The following PLXNB3 variants were observed in gnomAD, a reference collection of about 807,000 sequenced individuals.
PLXNB3 encodes plexin-B3.
Under a neutral mutation model 125.7 loss-of-function variants are expected in PLXNB3, and 80 were observed. That is an observed-to-expected ratio of 0.64 (90% CI 0.53 to 0.77). PLXNB3 has a LOEUF of 0.77. PLXNB3 is among the 30% of genes least tolerant of loss of function. The pLI, the probability that PLXNB3 is intolerant of heterozygous loss-of-function variation, is 0.00. For missense variants in PLXNB3, 1,836 were observed against 1,729.3 expected (o/e 1.06, Z -1.09); for synonymous variants, 954 against 783.3 (o/e 1.22, Z -3.64).
Position 153,770,569 on chromosome X carries a change from G to T in PLXNB3, c.1937G>T (p.Cys646Phe). 8.3e-7 allele frequency: 1 copy of T among 1,211,255 alleles called. No individual in the cohort carries two copies. Among genetic ancestry groups the T allele is most frequent in the Non-Finnish European group, 1.1e-6 (1 of 895,489 alleles). The change falls in exon 10 of 36, where the codon TGC becomes TTC. Residue 646 changes from cysteine (C) to phenylalanine (F), a missense_variant. Physicochemically the swap from Cys to Phe is radical, Grantham distance 205. Coordinates refer to ENST00000361971, the MANE Select transcript of PLXNB3 (RefSeq NM_005393.3). ...GGCAGCATCTGGCGGTGTCACTGGTGCCCGCAGAGTAGCCACTGCGTGTAC... is the reference window on the plus strand; with the variant it reads ...GGCAGCATCTGGCGGTGTCACTGGTTCCCGCAGAGTAGCCACTGCGTGTAC... Reference protein sequence around the residue: ...CVGSIWRCHWCPQSSHCVYGE... With the variant: ...CVGSIWRCHWFPQSSHCVYGE...
At chrX:153,772,705 G>A in intron 16 of PLXNB3, 181 bp from the exon 17 acceptor site, 1 of 1,027,092 alleles carries the variant, frequency 9.7e-7, no homozygotes, top group South Asian at 3.2e-5. Flanking sequence ...GCAGGGGTGG[G>A]TGGGAGGAAG....
chrX:153,776,307 G>C (rs888500259), intron 27 of PLXNB3, 49 bp from the exon 28 acceptor site: 1 of 1,093,654 alleles, frequency 9.1e-7, no homozygotes, highest in Non-Finnish European at 1.3e-6. Context: ...TATGAGTGTG[G>C]GGCGTGGAGA....
chrX:153,771,866 C>T lies in PLXNB3; in HGVS notation c.2520C>T (p.Val840=), dbSNP rs1165773904. The T allele has an allele frequency of 7.5e-6, 9 of 1,206,793 alleles. No individual in the cohort carries two copies. The highest frequency in any genetic ancestry group is 4.4e-5 in the Admixed American group (2 of 45,890). ...LLCPAPSIDA[V]EPLTGPPEGG... Reference sequence around the variant, plus strand: ...CTGCCATCATTTGCCTGCTGCAGGTCGAGCCCCTGACCGGTCCCCCTGAGG... The same window carrying T: ...CTGCCATCATTTGCCTGCTGCAGGTTGAGCCCCTGACCGGTCCCCCTGAGG... Residue 840 remains valine, a splice_region_variant and synonymous_variant, in exon 15 of 36, where the codon GTC becomes GTT. Coordinates refer to ENST00000361971, the MANE Select transcript of PLXNB3 (RefSeq NM_005393.3).
rs782576131 is a variant in PLXNB3 at position 153,770,425 on chromosome X, A to C, written c.1874A>C (p.Gln625Pro). The change falls in exon 9 of 36, where the codon CAG becomes CCG. Residue 625 changes from glutamine to proline, a missense_variant. Physicochemically the swap from Gln to Pro is moderately conservative, Grantham distance 76. Transcript: ENST00000361971. ...TCCTTTTATGACTGCAGTGCCGTCCAGGCCTTGGAGGCGGCTGCCCCGTGA... is the reference window on the plus strand; with the variant it reads ...TCCTTTTATGACTGCAGTGCCGTCCCGGCCTTGGAGGCGGCTGCCCCGTGA... The part of the protein sequence containing the change: ...NFSFYDCSAV[Q>P]ALEAAAPCRA... The C allele has an allele frequency of 8.3e-7, 1 of 1,209,165 alleles. No homozygotes were observed. Among genetic ancestry groups the C allele is most frequent in the African/African-American group, 1.7e-5 (1 of 57,952 alleles).
intron 12 of PLXNB3, 82 bp downstream of exon 12, chrX:153,771,163 T>A (rs1230984807): frequency 2.1e-6 from 2 of 951,911 alleles, no homozygotes; most frequent in East Asian, 6.2e-5. Context: ...GAGAGCCTGC[T>A]TGGGGCCCAT....
In PLXNB3 at chrX:153,768,250, A is replaced by C. The variant is rs782488240; in HGVS notation, c.1088A>C (p.Asp363Ala). The C allele has an allele frequency of 8.5e-7, 1 of 1,181,884 alleles. No individual in the cohort carries two copies. Among genetic ancestry groups the C allele is most frequent in the Admixed American group, 2.2e-5 (1 of 44,668 alleles). ...VTSRCVTLPLDSPESYPCGDE... is the reference protein window; with the variant it reads ...VTSRCVTLPLASPESYPCGDE... ...GATTCTCCACTTCCTGCCACGTAGG[A>C]TTCCCCCGAGTCGTACCCCTGTGGC... The change falls in exon 4 of 36, where the codon GAT (aspartate) becomes GCT (alanine). Residue 363 changes from aspartate to alanine, a missense_variant and splice_region_variant. Transcript: ENST00000361971.
At chrX:153,766,772 T>C in intron 2 of PLXNB3, 101 bp from the exon 3 acceptor site, 1 of 1,086,182 alleles carries the variant, frequency 9.2e-7, no homozygotes, top group South Asian at 2.3e-5. Context: ...CCTCCCTCCC[T>C]GGCCCTGAGC....
rs782539109 is a variant in PLXNB3 at position 153,776,016 on chromosome X, G to A, written c.4531G>A (p.Val1511Met). 3.6e-5 allele frequency: 43 copies of A among 1,205,858 alleles called. No individual in the cohort carries two copies. In the South Asian group the frequency reaches 6.8e-4, roughly 19 times the overall value. Reference sequence around the variant, plus strand: ...TGATAGCCGCTTGCTGCGGGAGGACGTGGAGTTCCAGCCCCTGACGCTGAT... The same window carrying A: ...TGATAGCCGCTTGCTGCGGGAGGACATGGAGTTCCAGCCCCTGACGCTGAT... ...LNDSRLLRED[V>M]EFQPLTLMVL... The change falls in exon 27 of 36, where the codon GTG becomes ATG. Residue 1511 changes from valine to methionine, a missense_variant. By Grantham distance (21) the Val-to-Met change is conservative. Coordinates refer to ENST00000361971, the MANE Select transcript of PLXNB3 (RefSeq NM_005393.3).
rs782255868 is a variant in PLXNB3 at position 153,773,876 on chromosome X, C to T, written c.3297C>T (p.Ser1099=). 1.7e-5 allele frequency: 21 copies of T among 1,211,209 alleles called. No individual in the cohort carries two copies. The highest frequency in any genetic ancestry group is 2.3e-5 in the Non-Finnish European group (21 of 895,446). ...CCCCACAGTGCTCCACCGTCTGCTCCGTCAACTCGTCCAGCCTCCTCCTGT... is the reference window on the plus strand; with the variant it reads ...CCCCACAGTGCTCCACCGTCTGCTCTGTCAACTCGTCCAGCCTCCTCCTGT... The part of the protein sequence containing the change: ...GGLLQCSTVC[S]VNSSSLLLCR... The change falls in exon 20 of 36, where the codon TCC becomes TCT. Residue 1099 remains serine, a synonymous_variant. Coordinates refer to ENST00000361971, the MANE Select transcript of PLXNB3 (RefSeq NM_005393.3).
chrX:153,769,414 C>A, intron 6 of PLXNB3, 152 bp downstream of exon 6: 1 of 475,521 alleles, frequency 2.1e-6, no homozygotes, highest in Non-Finnish European at 3.6e-6. Flanking sequence ...TGCCCCATCT[C>A]ACTGAGCCGT....
In PLXNB3 at chrX:153,772,372, C is replaced by T; in HGVS notation, c.2775+85C>T. ...ACAGGCGCCTAGTAAGGATGTCAAGCTGGGTCTGCGGGGAGCAGGAAGCAC... is the reference window on the plus strand; with the variant it reads ...ACAGGCGCCTAGTAAGGATGTCAAGTTGGGTCTGCGGGGAGCAGGAAGCAC... On this transcript the variant is annotated intron_variant, in intron 16 of 35. Coordinates refer to ENST00000361971, the MANE Select transcript of PLXNB3 (RefSeq NM_005393.3). 5.6e-6 allele frequency: 4 copies of T among 715,813 alleles called. No individual in the cohort carries two copies. In the South Asian group the frequency reaches 1.0e-4, roughly 18 times the overall value. The allele number at this position is 715,813 out of a possible 1,213,427, so 59.0% of individuals were successfully genotyped here.
At chrX:153,766,391 G>T in intron 2 of PLXNB3, 1 of 1,094,989 alleles carries the variant, frequency 9.1e-7, no homozygotes, top group East Asian at 3.5e-5. Context: ...ACCTGACTTA[G>T]ATCTCTCTTG....
chrX:153,776,425 A>G lies in PLXNB3; in HGVS notation c.4799A>G (p.His1600Arg). The change falls in exon 28 of 36, where the codon CAC (histidine) becomes CGC (arginine). Residue 1600 changes from histidine (H) to arginine (R), a missense_variant. Coordinates refer to ENST00000361971, the MANE Select transcript of PLXNB3 (RefSeq NM_005393.3). ...GACTTGACCTCCGTGACCCAAAACC[A>G]CTGGAAGAGACTCAACACCTTGCAA... The part of the protein sequence containing the change: ...DEDLTSVTQN[H>R]WKRLNTLQHY... 8.6e-7 allele frequency: 1 copy of G among 1,158,062 alleles called. No homozygotes were observed. Among genetic ancestry groups the G allele is most frequent in the Non-Finnish European group, 1.2e-6 (1 of 862,951 alleles).
intron 9 of PLXNB3, 34 bp from the exon 10 acceptor site, chrX:153,770,494 G>A (rs1557061319): frequency 1.7e-6 from 2 of 1,202,854 alleles, no homozygotes; most frequent in East Asian, 3.0e-5. Flanking sequence ...GACCCCAGAG[G>A]GCACTCAGTT....
intron 27 of PLXNB3, 45 bp from the exon 28 acceptor site, chrX:153,776,311 G>A (rs782272568): frequency 3.5e-5 from 38 of 1,087,400 alleles, no homozygotes; most frequent in African/African-American, 1.2e-4. Flanking sequence ...AGTGTGGGGC[G>A]TGGAGAGCAG....
Position 153,776,154 on chromosome X carries a change from G to A in PLXNB3, c.4669G>A (p.Asp1557Asn). The change falls in exon 27 of 36, where the codon GAC becomes AAC. Residue 1557 changes from aspartate to asparagine, a missense_variant. Asp to Asn is a conservative substitution (Grantham distance 23). Coordinates refer to ENST00000361971, the MANE Select transcript of PLXNB3 (RefSeq NM_005393.3). ...CACCCAGGTCAAGGAGAAGGTGTTG[G>A]ACCAAGTCTACAAGGGCACCCCCTT... The part of the protein sequence containing the change: ...TITQVKEKVL[D>N]QVYKGTPFSQ... The A allele has an allele frequency of 1.7e-6, 2 of 1,201,564 alleles. No individual in the cohort carries two copies. Among genetic ancestry groups the A allele is most frequent in the Non-Finnish European group, 2.2e-6 (2 of 890,707 alleles).
chrX:153,772,028 G>A lies in PLXNB3; in HGVS notation c.2669+13G>A. On this transcript the variant is annotated intron_variant, in intron 15 of 35. Transcript: ENST00000361971. Reference sequence around the variant, plus strand: ...GCACGTCGGCCCGGTGAGGCACTTGGAGGGTGAAGATGGGTGGGGAGGCCC... The same window carrying A: ...GCACGTCGGCCCGGTGAGGCACTTGAAGGGTGAAGATGGGTGGGGAGGCCC... The A allele has an allele frequency of 8.5e-7, 1 of 1,180,095 alleles. No individual in the cohort carries two copies. The highest frequency in any genetic ancestry group is 1.1e-6 in the Non-Finnish European group (1 of 879,290).
chrX:153,774,362 G>A lies in PLXNB3; in HGVS notation c.3678+18G>A. ...AGTTCGTGGTGAGTCCGTGCCCTGG[G>A]TGGGCAGGTGGACCGGGTGCCGCCA... is the stretch of plus-strand genomic sequence containing the variant. On this transcript the variant is annotated intron_variant, in intron 21 of 35. Coordinates refer to ENST00000361971, the MANE Select transcript of PLXNB3 (RefSeq NM_005393.3). 1 of 1,155,637 alleles carries A rather than the reference G, an allele frequency of 8.7e-7. No individual in the cohort carries two copies. The highest frequency in any genetic ancestry group is 1.2e-6 in the Non-Finnish European group (1 of 867,278).
At chrX:153,766,464 GCCTC>G (rs2091859386) in intron 2 of PLXNB3, 3 of 1,069,697 alleles carry the variant, frequency 2.8e-6, no homozygotes, top group African/African-American at 1.9e-5. Flanking sequence ...AGCTCCCGCG[GCCTC>G]CCTCCCTCCC....
Sources: gnomAD v4.1 joint callset for allele counts on GRCh38, gnomAD v4.1.1 for gene constraint, MANE v1.5 for transcripts, NCBI Gene and HGNC (gene_info 2026-07-23, HGNC 2026-07-21) for gene names.